Variants in HPSE2 observed in about 807,000 individuals in gnomAD.
HPSE2 encodes the protein heparanase 2 (inactive).
A neutral mutation model predicts 60.5 loss-of-function variants in HPSE2; 38 were observed. That is an observed-to-expected ratio of 0.63 (90% CI 0.48 to 0.82). The LOEUF is 0.82. Ranked by LOEUF, HPSE2 falls within the 40% of genes least tolerant of loss-of-function variation. HPSE2 has a pLI of 0.00. For synonymous variants in HPSE2, 295 were observed against 293.2 expected (o/e 1.01, Z -0.06); for missense variants, 713 against 740.4 (o/e 0.96, Z 0.43).
chr10:98,833,326 A>G (rs1399069188), intron 3 of HPSE2, among the ~76,000 whole-genome samples: 1 of 152,136 alleles, frequency 6.6e-6, no homozygotes, highest in African/African-American at 2.4e-5. Flanking sequence ...TGGCCTCACT[A>G]AAGGATTGGT....
At chr10:99,303,362 CAT>C in the HPSE2 span, among the ~76,000 whole-genome samples, 60 of 152,256 alleles carry the variant, frequency 3.9e-4, no homozygotes, top group African/African-American at 1.3e-3. Context: ...TTAAGAGACA[CAT>C]AGAATGAGCA....
chr10:99,308,905 G>A, the HPSE2 span, among the ~76,000 whole-genome samples: 779 of 152,202 alleles, frequency 5.1e-3, 8 homozygotes, highest in African/African-American at 0.018. Flanking sequence ...ATGTTAGTTC[G>A]GTTTAGAAAT....
intron 2 of HPSE2, among the ~76,000 whole-genome samples, chr10:99,230,217 C>G (rs932511389): frequency 6.6e-6 from 1 of 152,058 alleles, no homozygotes; most frequent in African/African-American, 2.4e-5. Context: ...AGATAAAAAA[C>G]AGCTATGAGG....
chr10:98,795,532 T>C (rs1950761013), intron 3 of HPSE2, among the ~76,000 whole-genome samples: 1 of 152,226 alleles, frequency 6.6e-6, no homozygotes, highest in Non-Finnish European at 1.5e-5. Context: ...CTTGAGTTTC[T>C]TAGAAAGTCT....
chr10:98,977,100 T>C (rs1413055066), intron 3 of HPSE2, among the ~76,000 whole-genome samples: 1 of 152,118 alleles, frequency 6.6e-6, no homozygotes, highest in Non-Finnish European at 1.5e-5. Context: ...TCCAGAACTG[T>C]GAGAGAGTAC....
intron 3 of HPSE2, among the ~76,000 whole-genome samples, chr10:98,819,551 T>C (rs778595104): frequency 1.6e-4 from 24 of 151,998 alleles, no homozygotes; most frequent in Non-Finnish European, 3.1e-4. Flanking sequence ...CTGATTTACA[T>C]CCCCATCACC....
At chr10:99,072,467 CA>C (rs1564784592) in intron 3 of HPSE2, among the ~76,000 whole-genome samples, 1 of 151,982 alleles carries the variant, frequency 6.6e-6, no homozygotes, top group African/African-American at 2.4e-5. Context: ...AAAGAACAAC[CA>C]ACCCCATTAA....
rs141227832 is a variant in HPSE2 at position 99,141,686 on chromosome 10, A to C, written c.610+2552T>G. On this transcript the variant is annotated intron_variant, in intron 3 of 11. Transcript: ENST00000370552. ...AATTTGCCCTTATCTGGAGTAAATA[A>C]GTGGCTGTTTAACAGGGATCATTAG... Among the ~76,000 whole-genome samples, 229 of 152,320 alleles carry C rather than the reference A, an allele frequency of 1.5e-3. 3 individuals carry two copies. In the Middle Eastern group the frequency reaches 0.024, roughly 16 times the overall value.
At chr10:98,868,905 C>T (rs1004164074) in intron 3 of HPSE2, among the ~76,000 whole-genome samples, 2 of 151,944 alleles carry the variant, frequency 1.3e-5, no homozygotes, top group African/African-American at 2.4e-5. Flanking sequence ...TAGTTAAAAT[C>T]TTTTAAAATT....
At chr10:98,555,884 A>G (rs1190658694) in intron 9 of HPSE2, among the ~76,000 whole-genome samples, 1 of 152,310 alleles carries the variant, frequency 6.6e-6, no homozygotes, top group South Asian at 2.1e-4. Context: ...ATTACAAAGC[A>G]TACTTACTAT....
At chr10:98,799,539 A>G (rs1950858673) in intron 3 of HPSE2, among the ~76,000 whole-genome samples, 1 of 152,236 alleles carries the variant, frequency 6.6e-6, no homozygotes, top group Admixed American at 6.5e-5. Flanking sequence ...ATGTTAGGTC[A>G]CAAAACAAGT....
chr10:98,921,109 C>T (rs1954270238), intron 3 of HPSE2, among the ~76,000 whole-genome samples: 1 of 152,106 alleles, frequency 6.6e-6, no homozygotes, highest in African/African-American at 2.4e-5. Flanking sequence ...TTCCCTCTGC[C>T]CCTCTCTGAT....
intron 2 of HPSE2, among the ~76,000 whole-genome samples, chr10:99,174,852 T>C (rs1018261137): frequency 1.3e-5 from 2 of 152,196 alleles, no homozygotes; most frequent in Non-Finnish European, 2.9e-5. Context: ...AGCTCCAGTC[T>C]GTAGCTCCCA....
intron 9 of HPSE2, among the ~76,000 whole-genome samples, chr10:98,503,317 C>T (rs1327315912): frequency 4.0e-5 from 6 of 151,474 alleles, no homozygotes; most frequent in Admixed American, 2.0e-4. Flanking sequence ...CAATGCAATA[C>T]CACCTTACTC....
chr10:99,262,398 A>G, the HPSE2 span, among the ~76,000 whole-genome samples: 2 of 152,072 alleles, frequency 1.3e-5, no homozygotes, highest in African/African-American at 2.4e-5. Context: ...TTCCTGGACT[A>G]CAGCCACACC....
chr10:98,863,074 T>C (rs1429825921), intron 3 of HPSE2, among the ~76,000 whole-genome samples: 1 of 152,108 alleles, frequency 6.6e-6, no homozygotes, highest in East Asian at 1.9e-4. Flanking sequence ...AACAATGTAG[T>C]TTTTAAGTGG....
chr10:98,913,638 A>T (rs1298745197), intron 3 of HPSE2, among the ~76,000 whole-genome samples: 3 of 152,182 alleles, frequency 2.0e-5, no homozygotes, highest in Non-Finnish European at 4.4e-5. Flanking sequence ...AAAATGGCCT[A>T]AAAGCTACCA....
chr10:99,220,711 G>A lies in HPSE2; in HGVS notation c.448+11637C>T, dbSNP rs192987716. ...CCACCTACTCCAGAGGCTGAGGCAG[G>A]AGAATCTCTTGAACCCGGGAGGTGG... On this transcript the variant is annotated intron_variant, in intron 2 of 11. Transcript: ENST00000370552. 3.0e-3 allele frequency among the ~76,000 whole-genome samples: 451 copies of A among 151,562 alleles called. 5 individuals are homozygous for A. The highest frequency in any genetic ancestry group is 0.014 in the Middle Eastern group (4 of 294).
intron 3 of HPSE2, among the ~76,000 whole-genome samples, chr10:98,932,476 G>T (rs1954667417): frequency 6.9e-6 from 1 of 143,986 alleles, no homozygotes; most frequent in Non-Finnish European, 1.5e-5. Flanking sequence ...GGATGATGCT[G>T]GCCTCATAAA....
Sources: allele counts gnomAD v4.1 joint callset (sites outside exome capture counted in the v4.1 genomes callset), GRCh38; gene constraint gnomAD v4.1.1; transcripts MANE v1.5; gene names NCBI Gene and HGNC (gene_info 2026-07-23, HGNC 2026-07-21).